BIRC6: variants seen among roughly 807,000 people sequenced by gnomAD.
BIRC6 encodes baculoviral IAP repeat containing 6.
Under a neutral mutation model 503.3 loss-of-function variants are expected in BIRC6, and 98 were observed. The observed-to-expected ratio is 0.19, with a 90% CI of 0.17 to 0.23. The LOEUF is 0.23. Among genes scored for constraint, BIRC6 ranks in the 10% least tolerant of loss-of-function variants. BIRC6 has a pLI of 1.00. For missense variants in BIRC6, 5,360 were observed against 5,806.0 expected, an observed-to-expected ratio of 0.92 and a Z score of 2.50; for synonymous variants, 2,240 against 2,078.7, an observed-to-expected ratio of 1.08 and a Z score of -2.11.
chr2:32,452,252 A>G (rs2046807706), intron 22 of BIRC6, among the ~76,000 whole-genome samples: 1 of 152,196 alleles, frequency 6.6e-6, no homozygotes, highest in South Asian at 2.1e-4. Context: ...GATACTTCAC[A>G]TTTTAAAGAG....
chr2:32,365,909 A>G (rs1255427009), intron 1 of BIRC6, among the ~76,000 whole-genome samples: 1 of 150,360 alleles, frequency 6.7e-6, no homozygotes, highest in African/African-American at 2.4e-5. Flanking sequence ...TTTTGAGATG[A>G]ATTCTTGCTC....
chr2:32,383,387 CAAG>C (rs1414178001), intron 3 of BIRC6, among the ~76,000 whole-genome samples: 1 of 152,156 alleles, frequency 6.6e-6, no homozygotes, highest in Admixed American at 6.5e-5. Flanking sequence ...GTATAATAGT[CAAG>C]AAGATATCTA....
intron 3 of BIRC6, among the ~76,000 whole-genome samples, chr2:32,383,323 G>A (rs563446985): frequency 3.9e-5 from 6 of 152,222 alleles, no homozygotes; most frequent in East Asian, 1.9e-4. Flanking sequence ...GATTCCAGGC[G>A]TGAGCCTAGT....
In BIRC6 at chr2:32,499,661, A is replaced by G. The variant is rs776086184; in HGVS notation, c.8583A>G (p.Glu2861=). The stretch of plus-strand genomic sequence containing the variant: ...TTAGTACTATTTCTGCCGTGATAGA[A>G]TCGGTTACATTTTTAGTGCACCACT... ...VSVSTISAVI[E]SVTFLVHHYI... is the part of the protein sequence containing the mutation. The change falls in exon 46 of 74, where the codon GAA becomes GAG. Residue 2861 remains glutamate (E), a synonymous_variant. Coordinates refer to ENST00000421745, the MANE Select transcript of BIRC6 (RefSeq NM_016252.4). 7.4e-6 allele frequency: 12 copies of G among 1,613,814 alleles called. No homozygotes were observed. The highest frequency in any genetic ancestry group is 5.0e-5 in the Admixed American group (3 of 59,996).
At chr2:32,508,342 G>GT (rs1057394367) in intron 51 of BIRC6, 83 bp downstream of exon 51, 51 of 1,342,912 alleles carry the variant, frequency 3.8e-5, no homozygotes, top group Non-Finnish European at 4.6e-5. Flanking sequence ...TATTTTGTGG[G>GT]TTTTTTCTTT....
intron 10 of BIRC6, among the ~76,000 whole-genome samples, chr2:32,423,173 G>A (rs1558683269): frequency 6.6e-6 from 1 of 152,112 alleles, no homozygotes; most frequent in Non-Finnish European, 1.5e-5. Context: ...TAAGTGCTCC[G>A]CCCGCCTTGG....
At chr2:32,421,558 T>C (rs1200542625) in intron 10 of BIRC6, among the ~76,000 whole-genome samples, 1 of 152,232 alleles carries the variant, frequency 6.6e-6, no homozygotes, top group Non-Finnish European at 1.5e-5. Context: ...GATCAAAATA[T>C]GTTCTAATTT....
intron 61 of BIRC6, among the ~76,000 whole-genome samples, chr2:32,533,014 T>G (rs968607010): frequency 2.6e-5 from 4 of 152,118 alleles, no homozygotes; most frequent in African/African-American, 9.7e-5. Flanking sequence ...GAATAGATTG[T>G]TAGATAAAAT....
intron 8 of BIRC6, among the ~76,000 whole-genome samples, chr2:32,404,489 A>G (rs1332555118): frequency 6.7e-6 from 1 of 149,428 alleles, no homozygotes; most frequent in Non-Finnish European, 1.5e-5. Context: ...TAAATTTTGT[A>G]TTTTTAGTAG....
chr2:32,471,331 C>A (rs2049072783), intron 32 of BIRC6, among the ~76,000 whole-genome samples: 1 of 152,210 alleles, frequency 6.6e-6, no homozygotes, highest in African/African-American at 2.4e-5. Context: ...AGACAAGCTC[C>A]TTTGTCTGGA....
intron 54 of BIRC6, among the ~76,000 whole-genome samples, chr2:32,513,606 G>A (rs2054669744): frequency 6.6e-6 from 1 of 151,962 alleles, no homozygotes; most frequent in Non-Finnish European, 1.5e-5. Context: ...AACGTTGTCT[G>A]TACAAAAATG....
chr2:32,605,172 C>T (rs969010280), intron 71 of BIRC6, among the ~76,000 whole-genome samples: 31 of 152,198 alleles, frequency 2.0e-4, no homozygotes, highest in African/African-American at 5.1e-4. Flanking sequence ...CGTTAGCCAA[C>T]GTGCCCAGCC....
intron 21 of BIRC6, among the ~76,000 whole-genome samples, chr2:32,446,364 T>A (rs189460558): frequency 1.7e-4 from 26 of 152,370 alleles, no homozygotes; most frequent in Admixed American, 1.6e-3. Flanking sequence ...TCAAAACTTC[T>A]AACGTGATGA....
In BIRC6 at chr2:32,436,043, T is replaced by G. The variant is rs535740674; in HGVS notation, c.3500-10T>G. 172 of 1,362,788 alleles carry G rather than the reference T, an allele frequency of 1.3e-4. 2 individuals carry two copies. In the South Asian group the frequency reaches 2.8e-3, roughly 22 times the overall value. The allele number at this position is 1,362,788 out of a possible 1,614,324, so 84.4% of individuals were successfully genotyped here. A position where few individuals can be genotyped will look rare whatever the true frequency, so the allele number is the denominator to read the frequency against. ...GAATTTAAAAGAAAAATATGTATTT[T>G]TCTTTTTAGGTCTTAGATTATGTCC... On this transcript the variant is annotated splice_polypyrimidine_tract_variant and intron_variant, in intron 14 of 73. Coordinates refer to ENST00000421745, the MANE Select transcript of BIRC6 (RefSeq NM_016252.4).
chr2:32,361,087 AT>A (rs913538807), intron 1 of BIRC6, among the ~76,000 whole-genome samples: 69 of 151,822 alleles, frequency 4.5e-4, no homozygotes, highest in Admixed American at 3.4e-3. Context: ...GACCTGGCTA[AT>A]TTTTTTTATT....
chr2:32,507,998 C>G lies in BIRC6; in HGVS notation c.9719C>G (p.Ser3240Cys). Reference protein sequence around the residue: ...ASLATCPSSVSVEVSADGVNM... With the variant: ...ASLATCPSSVCVEVSADGVNM... Reference sequence around the variant, plus strand: ...TTTATAGCCTGCCCTTCCTCAGTGTCTGTTGAAGTAAGTGCAGATGGGGTA... The same window carrying G: ...TTTATAGCCTGCCCTTCCTCAGTGTGTGTTGAAGTAAGTGCAGATGGGGTA... The change falls in exon 51 of 74, where the codon TCT becomes TGT. Residue 3240 changes from serine to cysteine, a missense_variant. Ser to Cys is a moderately radical substitution (Grantham distance 112). This residue lies in a region of BIRC6 where 267 missense variants were observed against 287.6 expected (regional missense o/e 0.93). Transcript: ENST00000421745. 6.2e-7 allele frequency: 1 copy of G among 1,613,598 alleles called. No homozygotes were observed. The highest frequency in any genetic ancestry group is 8.5e-7 in the Non-Finnish European group (1 of 1,179,684).
chr2:32,432,761 GA>G (rs537768715), intron 12 of BIRC6, among the ~76,000 whole-genome samples: 134 of 129,416 alleles, frequency 1.0e-3, no homozygotes, highest in Middle Eastern at 4.0e-3. Flanking sequence ...CCCCATTTCG[GA>G]AAAAAAAAAA....
intron 66 of BIRC6, among the ~76,000 whole-genome samples, chr2:32,586,423 C>CTTTTTTTT (rs972959083): frequency 1.4e-5 from 1 of 70,944 alleles, no homozygotes; most frequent in East Asian, 3.8e-4. Flanking sequence ...TCAAGCAGTC[C>CTTTTTTTT]TTTTTTTTTT....
At chr2:32,562,560 AAG>A (rs759485493) in intron 65 of BIRC6, among the ~76,000 whole-genome samples, 1 of 152,220 alleles carries the variant, frequency 6.6e-6, no homozygotes, top group Non-Finnish European at 1.5e-5. Flanking sequence ...GATCACACAG[AAG>A]AGTTTACTGC....
Sources: gnomAD v4.1 joint callset for allele counts (sites outside exome capture counted in the v4.1 genomes callset) on GRCh38, gnomAD v4.1.1 for gene constraint, gnomAD v4.1.1 regional missense constraint, MANE v1.5 for transcripts, NCBI Gene and HGNC (gene_info 2026-07-23, HGNC 2026-07-21) for gene names.